COPS7B: variants seen among roughly 807,000 people sequenced by gnomAD.
The protein encoded by COPS7B is COP9 signalosome subunit 7B.
A neutral mutation model predicts 33.4 loss-of-function variants in COPS7B; 9 were observed. That is an observed-to-expected ratio of 0.27 (90% CI 0.16 to 0.47). COPS7B has a LOEUF of 0.47. Ranked by LOEUF, COPS7B falls within the 20% of genes least tolerant of loss-of-function variation. The pLI, the probability that COPS7B is intolerant of heterozygous loss-of-function variation, is 0.99. For missense variants in COPS7B, 242 were observed against 318.2 expected (o/e 0.76, Z 1.82); for synonymous variants, 119 against 126.3 (o/e 0.94, Z 0.39).
intron 3 of COPS7B, chr2:231,793,429 T>A (rs538430944): frequency 1.6e-4 from 24 of 152,418 alleles, no homozygotes; most frequent in Admixed American, 1.4e-3. Context: ...ACACTTGGAG[T>A]CTTGCGGGTT....
chr2:231,805,916 T>C (rs761631128), intron 6 of COPS7B, among the ~76,000 whole-genome samples: 3 of 151,990 alleles, frequency 2.0e-5, no homozygotes, highest in African/African-American at 4.8e-5. Context: ...CCCAAAGTGC[T>C]AGAAGTATAG....
rs1472898008 is a variant in COPS7B, at chr2:231,807,861, C to T, written c.*216C>T. 1.6e-5 allele frequency: 8 copies of T among 484,880 alleles called. No homozygotes were observed. Among genetic ancestry groups the T allele is most frequent in the Non-Finnish European group, 2.9e-5 (8 of 273,784 alleles). 30.0% of individuals were successfully genotyped at this position (484,880 alleles called of 1,614,324 possible). On this transcript the variant is annotated 3_prime_UTR_variant, in exon 7 of 7. Transcript: ENST00000350033. ...TTGTTCCCTTCAGACTCAGGGGCTCCACCAATGCCATCCCAAAACAGGGTC... is the reference window on the plus strand; with the variant it reads ...TTGTTCCCTTCAGACTCAGGGGCTCTACCAATGCCATCCCAAAACAGGGTC...
chr2:231,807,605 A>T lies in COPS7B; in HGVS notation c.755A>T (p.Lys252Met). Residue 252 changes from lysine to methionine, a missense_variant, in exon 7 of 7, where the codon AAG becomes ATG. Physicochemically the swap from Lys to Met is moderately conservative, Grantham distance 95. Coordinates refer to ENST00000350033, the MANE Select transcript of COPS7B (RefSeq NM_022730.4). ...GCTGAGCAGAGGCAGCCCACCAAGAAGATGTCCAAAGTGAAAGGTCTGGTC... is the reference window on the plus strand; with the variant it reads ...GCTGAGCAGAGGCAGCCCACCAAGATGATGTCCAAAGTGAAAGGTCTGGTC... ...PHAEQRQPTK[K>M]MSKVKGLVSS... The T allele has an allele frequency of 1.9e-6, 3 of 1,574,330 alleles. No homozygotes were observed. The highest frequency in any genetic ancestry group is 2.6e-6 in the Non-Finnish European group (3 of 1,159,814).
At chr2:231,796,483 G>A (rs917520088) in intron 5 of COPS7B, among the ~76,000 whole-genome samples, 175 bp downstream of exon 5, 2 of 152,206 alleles carry the variant, frequency 1.3e-5, no homozygotes, top group Non-Finnish European at 2.9e-5. Context: ...TGTGATAACA[G>A]GAGTCATTTC....
chr2:231,805,228 G>A (rs539683950), intron 6 of COPS7B, among the ~76,000 whole-genome samples: 3 of 151,888 alleles, frequency 2.0e-5, no homozygotes, highest in Non-Finnish European at 4.4e-5. Context: ...AGAGTGATAA[G>A]CCATTGGCTT....
intron 4 of COPS7B, among the ~76,000 whole-genome samples, chr2:231,795,822 C>T (rs1398170176): frequency 1.3e-5 from 2 of 152,166 alleles, no homozygotes; most frequent in Admixed American, 1.3e-4. Flanking sequence ...TTTCTCTCCA[C>T]TGGTACAAGT....
rs60365791 is a variant in COPS7B at position 231,808,668 on chromosome 2, A to ATT, written c.*1035_*1036dup. 415 of 258,610 alleles carry ATT rather than the reference A, an allele frequency of 1.6e-3. No homozygotes were observed. Among genetic ancestry groups the ATT allele is most frequent in the South Asian group, 2.6e-3 (72 of 27,806 alleles). The allele number at this position is 258,610 out of a possible 1,614,324, so 16.0% of individuals were successfully genotyped here. A position where few individuals can be genotyped will look rare whatever the true frequency, so the allele number is the denominator to read the frequency against. ...TTGAACAGTTTCAGGTTATATTTTA[A>ATT]TTTTTTTTTTTTTGTACAGGTTCTG... is the stretch of plus-strand genomic sequence containing the variant. On this transcript the variant is annotated 3_prime_UTR_variant, in exon 7 of 7. Transcript: ENST00000350033.
chr2:231,806,547 T>C (rs2106349003), intron 6 of COPS7B, among the ~76,000 whole-genome samples: 1 of 143,552 alleles, frequency 7.0e-6, no homozygotes, highest in South Asian at 2.2e-4. Context: ...AGTAAGACTC[T>C]GTCTCCAAAA....
rs371923179 is a variant in COPS7B at position 231,806,185 on chromosome 2, C to T, written c.637-1302C>T. Among the ~76,000 whole-genome samples the T allele has an allele frequency of 8.7e-4, 132 of 152,222 alleles. 2 individuals are homozygous for T. In the South Asian group the frequency reaches 0.018, roughly 21 times the overall value. On this transcript the variant is annotated intron_variant, in intron 6 of 6. Coordinates refer to ENST00000350033, the MANE Select transcript of COPS7B (RefSeq NM_022730.4). Reference sequence around the variant, plus strand: ...GCATTGTTTTGTCTTTGCATTTGGACTGTCTCTTACCCTCAAGCTCATAAT... The same window carrying T: ...GCATTGTTTTGTCTTTGCATTTGGATTGTCTCTTACCCTCAAGCTCATAAT...
chr2:231,793,619 A>G (rs1340849393), intron 3 of COPS7B: 3 of 151,964 alleles, frequency 2.0e-5, no homozygotes, highest in Non-Finnish European at 4.4e-5. Flanking sequence ...CTCTTCCATG[A>G]ATTCTTTCTT....
intron 1 of COPS7B, among the ~76,000 whole-genome samples, chr2:231,787,590 T>G (rs1425914630): frequency 1.3e-5 from 2 of 151,966 alleles, no homozygotes; most frequent in Non-Finnish European, 2.9e-5. Flanking sequence ...TTTTTACACA[T>G]TCTGAAGTCA....
chr2:231,801,342 C>G (rs1462125568), intron 6 of COPS7B: 5 of 1,453,884 alleles, frequency 3.4e-6, no homozygotes, highest in Non-Finnish European at 4.6e-6. Flanking sequence ...CCTGGGGGAC[C>G]ATTATGAGCT....
intron 3 of COPS7B, chr2:231,792,309 T>C (rs2049440512): frequency 3.4e-6 from 1 of 292,262 alleles, no homozygotes; most frequent in Non-Finnish European, 6.8e-6. Context: ...CTGGCCAACA[T>C]GGTGAAACCC....
Position 231,808,359 on chromosome 2 carries a change from C to T in COPS7B, c.*714C>T, listed in dbSNP as rs550385912. 4.2e-5 allele frequency: 19 copies of T among 448,716 alleles called. No individual in the cohort carries two copies. Among genetic ancestry groups the T allele is most frequent in the African/African-American group, 2.0e-4 (10 of 49,512 alleles). The allele number at this position is 448,716 out of a possible 1,614,324, so 27.8% of individuals were successfully genotyped here. A position where few individuals can be genotyped will look rare whatever the true frequency, so the allele number is the denominator to read the frequency against. On this transcript the variant is annotated 3_prime_UTR_variant, in exon 7 of 7. Coordinates refer to ENST00000350033, the MANE Select transcript of COPS7B (RefSeq NM_022730.4). ...GCAGAAATGGTTCCTTCCGGCTTGG[C>T]GTTCTCTCCTGGCCACTCTTCCTGC...
intron 1 of COPS7B, among the ~76,000 whole-genome samples, 185 bp from the exon 2 acceptor site, chr2:231,788,370 A>G (rs1321151393): frequency 2.0e-5 from 3 of 152,264 alleles, no homozygotes; most frequent in South Asian, 2.1e-4. Context: ...TCCTCACCTC[A>G]GGTGATCCAC....
At chr2:231,796,348 T>G in intron 5 of COPS7B, 40 bp downstream of exon 5, 1 of 1,587,312 alleles carries the variant, frequency 6.3e-7, no homozygotes, top group East Asian at 2.2e-5. Context: ...AGCATGTCTT[T>G]TGTGCCTCTC....
rs779615715 is a variant in COPS7B at position 231,807,548 on chromosome 2, A to G, written c.698A>G (p.Gln233Arg). The G allele has an allele frequency of 6.2e-7, 1 of 1,613,402 alleles. No individual in the cohort carries two copies. Among genetic ancestry groups the G allele is most frequent in the South Asian group, 1.1e-5 (1 of 90,808 alleles). Residue 233 changes from glutamine (Q) to arginine (R), a missense_variant, in exon 7 of 7, where the codon CAG becomes CGG. Physicochemically the swap from Gln to Arg is conservative, Grantham distance 43. Coordinates refer to ENST00000350033, the MANE Select transcript of COPS7B (RefSeq NM_022730.4). ...TCCTCCTCGGCTCAGGAGATGGAGC[A>G]GCAGCTGGCTGAACGGGAGTGTCCC... ...TASSSAQEME[Q>R]QLAERECPPH... is the part of the protein sequence containing the mutation.
intron 6 of COPS7B, chr2:231,801,103 T>G (rs764284255): frequency 1.3e-6 from 2 of 1,547,264 alleles, no homozygotes; most frequent in Non-Finnish European, 1.7e-6. Flanking sequence ...TTTTGTCAAC[T>G]GATTGGTGAT....
chr2:231,804,564 A>T (rs2049839356), intron 6 of COPS7B, among the ~76,000 whole-genome samples: 1 of 152,212 alleles, frequency 6.6e-6, no homozygotes, highest in Non-Finnish European at 1.5e-5. Context: ...ATTGTTTAGT[A>T]AAAATTATTA....
Sources: allele counts gnomAD v4.1 joint callset (sites outside exome capture counted in the v4.1 genomes callset), GRCh38; gene constraint gnomAD v4.1.1; transcripts MANE v1.5; gene names NCBI Gene and HGNC (gene_info 2026-07-23, HGNC 2026-07-21).